Variants in GNA15 observed in about 807,000 individuals in gnomAD.
The protein encoded by GNA15 is G protein subunit alpha 15, also known as guanine nucleotide-binding protein subunit alpha-15.
Under a neutral mutation model 40.1 loss-of-function variants are expected in GNA15, and 23 were observed. That is an observed-to-expected ratio of 0.57 (90% CI 0.41 to 0.81). GNA15 has a LOEUF of 0.81. GNA15 is among the 40% of genes least tolerant of loss of function. The pLI, the probability that GNA15 is intolerant of heterozygous loss-of-function variation, is 0.00. For synonymous variants in GNA15, 226 were observed against 210.4 expected (o/e 1.07, Z -0.64); for missense variants, 522 against 515.8 (o/e 1.01, Z -0.12).
At position 3,145,359 on chromosome 19, in the gene GNA15, A is replaced by ATATATATATATATATAT; in HGVS notation, c.146-3231_146-3230insATATATATATATATATT. On this transcript the variant is annotated intron_variant, in intron 1 of 6. Transcript: ENST00000262958. ...TAAATATATATATATATATATATAT[A>ATATATATATATATATAT]TTTTTTTTTTTTTGTAGAGATGGGG... is the stretch of plus-strand genomic sequence containing the variant. 7.7e-3 allele frequency among the ~76,000 whole-genome samples: 362 copies of ATATATATATATATATAT among 46,908 alleles called. 4 individuals carry two copies. Among genetic ancestry groups the ATATATATATATATATAT allele is most frequent in the East Asian group, 8.6e-3 (17 of 1,978 alleles). 30.8% of individuals were successfully genotyped at this position (46,908 alleles called of 152,430 possible).
chr19:3,138,556 A>G (rs954164921), intron 1 of GNA15, among the ~76,000 whole-genome samples: 1 of 152,232 alleles, frequency 6.6e-6, no homozygotes, highest in African/African-American at 2.4e-5. Context: ...GAGAGAGAAC[A>G]TCGAGTGGGA....
chr19:3,140,044 A>AAAAAATCTATCTATCTATCTATCT (rs71307196), intron 1 of GNA15, among the ~76,000 whole-genome samples: 2 of 124,054 alleles, frequency 1.6e-5, no homozygotes, highest in East Asian at 2.2e-4. Context: ...AAAAAAAAAA[A>AAAAAATCTATCTATCTATCTATCT]ATCTATCTAT....
At position 3,155,863 on chromosome 19, in the gene GNA15, T is replaced by C. The variant is rs1436462432; in HGVS notation, c.655T>C (p.Trp219Arg). Residue 219 changes from tryptophan to arginine, a missense_variant, in exon 5 of 7, where the codon TGG becomes CGG. Physicochemically the swap from Trp to Arg is moderately radical, Grantham distance 101. Coordinates refer to ENST00000262958, the MANE Select transcript of GNA15 (RefSeq NM_002068.4). This position sits in a 1 kb window ranked among gnomAD's most constrained non-coding sequence, Gnocchi z 5.6. ...GGGCCAGAAGTCAGAGCGTAAGAAA[T>C]GGATCCATTGTTTCGAGAACGTGAT... is the stretch of plus-strand genomic sequence containing the variant. Reference protein sequence around the residue: ...VGGQKSERKKWIHCFENVIAL... With the variant: ...VGGQKSERKKRIHCFENVIAL... 1 of 1,613,978 alleles carries C rather than the reference T, an allele frequency of 6.2e-7. No individual in the cohort carries two copies.
rs1914459937 is a variant in GNA15, at chr19:3,136,444, C to T, written c.-7C>T. 3 of 1,548,084 alleles carry T rather than the reference C, an allele frequency of 1.9e-6. No individual in the cohort carries two copies. The African/African-American group carries it at 4.1e-5, about 21-fold the overall frequency. On this transcript the variant is annotated 5_prime_UTR_variant, in exon 1 of 7. Coordinates refer to ENST00000262958, the MANE Select transcript of GNA15 (RefSeq NM_002068.4). The surrounding 1 kb of genome is among the most constrained non-coding windows in gnomAD (Gnocchi z 4.9). ...TGCCACCCGGTGCCGACTGAGGCCA[C>T]CGCACCATGGCCCGCTCGCTGACCT...
At chr19:3,148,512 G>T in intron 1 of GNA15, 79 bp from the exon 2 acceptor site, 1 of 1,383,230 alleles carries the variant, frequency 7.2e-7, no homozygotes, top group Non-Finnish European at 9.8e-7. Flanking sequence ...GTGGAGTTGG[G>T]GGTGTCTGAC....
intron 5 of GNA15, 58 bp downstream of exon 5, chr19:3,156,010 C>CTTCCTGCTCAGGTG: frequency 6.5e-7 from 1 of 1,541,642 alleles, no homozygotes; most frequent in Non-Finnish European, 8.9e-7. Flanking sequence ...CTCACCTGAG[C>CTTCCTGCTCAGGTG]AGGAAGCTCT....
At chr19:3,137,094 T>C (rs1914476541) in intron 1 of GNA15, among the ~76,000 whole-genome samples, 1 of 152,194 alleles carries the variant, frequency 6.6e-6, no homozygotes, top group African/African-American at 2.4e-5. Context: ...GATTGATTGG[T>C]TCATTGGTTC....
At chr19:3,160,034 C>T (rs553016873) in intron 6 of GNA15, among the ~76,000 whole-genome samples, 3 of 152,276 alleles carry the variant, frequency 2.0e-5, no homozygotes, top group South Asian at 2.1e-4. Context: ...TAGCTACTGC[C>T]GAGTAACAAA....
At chr19:3,150,397 T>C (rs1052814426) in intron 3 of GNA15, 112 bp downstream of exon 3, 74 of 933,332 alleles carry the variant, frequency 7.9e-5, no homozygotes, top group Non-Finnish European at 1.1e-4. Flanking sequence ...GGCTGTGAGG[T>C]GGTCCTGCTC....
Position 3,136,992 on chromosome 19 carries a change from T to A in GNA15, c.145+397T>A, listed in dbSNP as rs993612018. Among the ~76,000 whole-genome samples, 1 of 152,160 alleles carries A rather than the reference T, an allele frequency of 6.6e-6. No homozygotes were observed. The highest frequency in any genetic ancestry group is 1.5e-5 in the Non-Finnish European group (1 of 68,028). ...CGTAAGGGAGGGGCCGGCTCCAGCC[T>A]CTCCTTCACCAGGACGCTCCCTCTC... is the stretch of plus-strand genomic sequence containing the variant. On this transcript the variant is annotated intron_variant, in intron 1 of 6. Transcript: ENST00000262958. The surrounding 1 kb of genome is among the most constrained non-coding windows in gnomAD (Gnocchi z 4.9).
intron 1 of GNA15, among the ~76,000 whole-genome samples, chr19:3,139,930 A>C (rs1380634088): frequency 6.6e-6 from 1 of 151,820 alleles, no homozygotes; most frequent in Non-Finnish European, 1.5e-5. Context: ...GCTACTTGGG[A>C]GGGTGAGGCA....
intron 5 of GNA15, among the ~76,000 whole-genome samples, chr19:3,157,465 C>G (rs1209224968): frequency 2.0e-5 from 3 of 152,240 alleles, no homozygotes; most frequent in African/African-American, 2.4e-5. Flanking sequence ...AAGAATCTCT[C>G]TCCAGATAAG....
intron 1 of GNA15, among the ~76,000 whole-genome samples, chr19:3,145,359 A>ATATATATATTTTTTTTT: frequency 2.1e-5 from 1 of 46,974 alleles, no homozygotes; most frequent in African/African-American, 9.2e-5. Context: ...ATATATATAT[A>ATATATATATTTTTTTTT]TTTTTTTTTT....
intron 1 of GNA15, among the ~76,000 whole-genome samples, chr19:3,142,858 C>T (rs1404483237): frequency 6.6e-6 from 1 of 151,446 alleles, no homozygotes; most frequent in South Asian, 2.1e-4. Context: ...TGTGACAGAG[C>T]CAGACTCTAT....
rs940928051 is a variant in GNA15, at chr19:3,154,325, G to T, written c.615-1498G>T. The stretch of plus-strand genomic sequence containing the variant: ...TGGATGGATGAATGAATGGGTAGAT[G>T]GGTGGTGGGTGACGGATGAATGGAT... On this transcript the variant is annotated intron_variant, in intron 4 of 6. Coordinates refer to ENST00000262958, the MANE Select transcript of GNA15 (RefSeq NM_002068.4). Among the ~76,000 whole-genome samples the T allele has an allele frequency of 2.0e-5, 3 of 148,622 alleles. No individual in the cohort carries two copies. The East Asian group carries it at 6.1e-4, about 30-fold the overall frequency.
chr19:3,136,655 G>T lies in GNA15; in HGVS notation c.145+60G>T. The T allele has an allele frequency of 6.8e-7, 1 of 1,474,500 alleles. No homozygotes were observed. Among genetic ancestry groups the T allele is most frequent in the Non-Finnish European group, 9.2e-7 (1 of 1,083,848 alleles). The allele number at this position is 1,474,500 out of a possible 1,614,324, so 91.3% of individuals were successfully genotyped here. A position where few individuals can be genotyped will look rare whatever the true frequency, so the allele number is the denominator to read the frequency against. ...CAGTGGGCGGTGGCCAGCCGGCAGG[G>T]GTGTCGGGGCAAGGAGGCGGATCAG... is the stretch of plus-strand genomic sequence containing the variant. On this transcript the variant is annotated intron_variant, in intron 1 of 6. Transcript: ENST00000262958. This position sits in a 1 kb window ranked among gnomAD's most constrained non-coding sequence, Gnocchi z 4.9.
Position 3,136,860 on chromosome 19 carries a change from G to A in GNA15, c.145+265G>A, listed in dbSNP as rs1037387642. ...GTGTGGGGCATATACAATAGCAGAC[G>A]TGGCTCTACCGGGCCCCTGCCGGGC... On this transcript the variant is annotated intron_variant, in intron 1 of 6. Transcript: ENST00000262958. The surrounding 1 kb of genome is among the most constrained non-coding windows in gnomAD (Gnocchi z 4.9). Among the ~76,000 whole-genome samples, 1 of 152,266 alleles carries A rather than the reference G, an allele frequency of 6.6e-6. No homozygotes were observed. Among genetic ancestry groups the A allele is most frequent in the Non-Finnish European group, 1.5e-5 (1 of 68,050 alleles).
At chr19:3,150,340 C>T in intron 3 of GNA15, 55 bp downstream of exon 3, 1 of 1,429,656 alleles carries the variant, frequency 7.0e-7, no homozygotes, top group Non-Finnish European at 9.3e-7. Context: ...AGGGCAGGGG[C>T]CAGGCTGGCT....
Position 3,138,079 on chromosome 19 carries a change from C to T in GNA15, c.145+1484C>T, listed in dbSNP as rs1965967. Among the ~76,000 whole-genome samples, 976 of 152,186 alleles carry T rather than the reference C, an allele frequency of 6.4e-3. 7 individuals carry two copies. Among genetic ancestry groups the T allele is most frequent in the African/African-American group, 0.023 (942 of 41,540 alleles). On this transcript the variant is annotated intron_variant, in intron 1 of 6. Coordinates refer to ENST00000262958, the MANE Select transcript of GNA15 (RefSeq NM_002068.4). ...AGGAGTTCGAAATCAGCCTGGTCAA[C>T]GTGGCGAAACCCCGTCTCTACTCAA...
Sources: allele counts gnomAD v4.1 joint callset (sites outside exome capture counted in the v4.1 genomes callset), GRCh38; gene constraint gnomAD v4.1.1; non-coding constraint Gnocchi (gnomAD v3.1); transcripts MANE v1.5; gene names NCBI Gene and HGNC (gene_info 2026-07-23, HGNC 2026-07-21).